Variants in POLR3E observed in about 807,000 individuals in gnomAD.
POLR3E encodes the protein RNA polymerase III subunit E.
A neutral mutation model predicts 96.6 loss-of-function variants in POLR3E; 41 were observed. That is an observed-to-expected ratio of 0.42 (90% CI 0.33 to 0.55). The LOEUF (loss-of-function observed/expected upper bound fraction) is 0.55, where lower values mean the gene tolerates loss of function less well. Among genes scored for constraint, POLR3E ranks in the 20% least tolerant of loss-of-function variants. The probability of loss-of-function intolerance (pLI) is 0.06; values close to 1 mark genes in which losing one functional copy is unlikely to be tolerated. For missense variants in POLR3E, 849 were observed against 952.1 expected (o/e 0.89, Z 1.43); for synonymous variants, 396 against 383.6 (o/e 1.03, Z -0.38).
chr16:22,300,014 T>A (rs1344952085), intron 1 of POLR3E, among the ~76,000 whole-genome samples: 3 of 152,326 alleles, frequency 2.0e-5, no homozygotes, highest in East Asian at 3.9e-4. Context: ...CATGCCAGCC[T>A]GATTTACTTC....
Position 22,331,055 on chromosome 16 carries a change from AGTG to A in POLR3E, c.1945-1004_1945-1002del, listed in dbSNP as rs2048730007. Among the ~76,000 whole-genome samples the A allele has an allele frequency of 2.6e-5, 3 of 114,272 alleles. No individual in the cohort carries two copies. In the South Asian group the frequency reaches 9.1e-4, roughly 35 times the overall value. The allele number at this position is 114,272 out of a possible 152,430, so 75.0% of individuals were successfully genotyped here. On this transcript the variant is annotated intron_variant, in intron 19 of 20. Transcript: ENST00000299853. ...AGTCTCCCTCTGTCAGCCAGGCTGG[AGTG>A]CAATGGCACGATCTCGGCTCACTGC...
At chr16:22,333,566 A>G in intron 20 of POLR3E, 78 bp from the exon 21 acceptor site, 2 of 958,694 alleles carry the variant, frequency 2.1e-6, no homozygotes, top group Admixed American at 3.4e-5. Flanking sequence ...TCATAAATCG[A>G]GTGTTGACAT....
At chr16:22,325,342 G>T in intron 17 of POLR3E, 76 bp downstream of exon 17, 1 of 1,181,972 alleles carries the variant, frequency 8.5e-7, no homozygotes, top group Middle Eastern at 1.9e-4. Context: ...GCTAGAGCTT[G>T]TCAGGCCCGG....
intron 19 of POLR3E, among the ~76,000 whole-genome samples, chr16:22,330,649 ATC>A (rs1237500556): frequency 6.6e-6 from 1 of 152,154 alleles, no homozygotes; most frequent in African/African-American, 2.4e-5. Flanking sequence ...GAATTCTGGA[ATC>A]TCTGCTTCTT....
intron 19 of POLR3E, among the ~76,000 whole-genome samples, chr16:22,330,910 A>G (rs1465909195): frequency 6.7e-6 from 1 of 150,256 alleles, no homozygotes; most frequent in Non-Finnish European, 1.5e-5. Flanking sequence ...GAGGTTATCA[A>G]AGTTTCTATT....
chr16:22,297,976 G>T (rs997564770), intron 1 of POLR3E, among the ~76,000 whole-genome samples: 1 of 152,260 alleles, frequency 6.6e-6, no homozygotes. Flanking sequence ...GCCCCGATGG[G>T]CAGGGAGGGC....
chr16:22,308,809 A>C, intron 4 of POLR3E, 116 bp from the exon 5 acceptor site: 3 of 646,646 alleles, frequency 4.6e-6, no homozygotes, highest in Non-Finnish European at 8.2e-6. Context: ...GACATGTGTC[A>C]GTCTCGCTTC....
chr16:22,302,878 A>G (rs2048054928), intron 1 of POLR3E, 53 bp from the exon 2 acceptor site: 1 of 1,237,186 alleles, frequency 8.1e-7, no homozygotes, highest in Non-Finnish European at 1.2e-6. Context: ...AATAGGCACA[A>G]GGAAATGTTG....
At chr16:22,302,800 T>C in intron 1 of POLR3E, 131 bp from the exon 2 acceptor site, 1 of 719,434 alleles carries the variant, frequency 1.4e-6, no homozygotes, top group Non-Finnish European at 2.6e-6. Flanking sequence ...TTGACTTCAA[T>C]GTAGATGTAG....
At chr16:22,315,561 G>A (rs2048337493) in intron 9 of POLR3E, among the ~76,000 whole-genome samples, 1 of 152,188 alleles carries the variant, frequency 6.6e-6, no homozygotes, top group African/African-American at 2.4e-5. Context: ...CTAGAGGGTC[G>A]GTCATGTGTT....
At chr16:22,300,651 CTCTG>C (rs1188248788) in intron 1 of POLR3E, among the ~76,000 whole-genome samples, 8 of 152,218 alleles carry the variant, frequency 5.3e-5, no homozygotes, top group Non-Finnish European at 1.0e-4. Context: ...CTACACTGCC[CTCTG>C]TCTGCACAGC....
chr16:22,317,389 C>G (rs1039585506), intron 12 of POLR3E, among the ~76,000 whole-genome samples, 183 bp downstream of exon 12: 5 of 152,242 alleles, frequency 3.3e-5, no homozygotes, highest in African/African-American at 1.2e-4. Context: ...GGCCAGCTCC[C>G]GCAGGCAGCC....
rs749807864 is a variant in POLR3E at position 22,326,064 on chromosome 16, A to G, written c.1652A>G (p.Gln551Arg). ...GACAGCTTCAACGGGCACCCGCCCC[A>G]GGGCTGCGCCAGCACCCCTGTGGCT... ...GTDSFNGHPP[Q>R]GCASTPVARE... The change falls in exon 18 of 21, where the codon CAG becomes CGG. Residue 551 changes from glutamine to arginine, a missense_variant. Coordinates refer to ENST00000299853, the MANE Select transcript of POLR3E (RefSeq NM_018119.4). 16 of 1,610,928 alleles carry G rather than the reference A, an allele frequency of 9.9e-6. No individual in the cohort carries two copies. In the South Asian group the frequency reaches 1.5e-4, roughly 16 times the overall value.
chr16:22,328,816 CCATCAGAA>C, intron 19 of POLR3E: 1 of 504,216 alleles, frequency 2.0e-6, no homozygotes, highest in Non-Finnish European at 3.6e-6. Context: ...TGAGCCAGCT[CCATCAGAA>C]TCATCTTTTA....
At chr16:22,332,950 T>C (rs2048771276) in intron 20 of POLR3E, among the ~76,000 whole-genome samples, 1 of 149,732 alleles carries the variant, frequency 6.7e-6, no homozygotes. Context: ...TGTCAGTATC[T>C]GTATTTCGTA....
rs778725189 is a variant in POLR3E, at chr16:22,315,215, G to A, written c.642+7G>A. 15 of 1,575,026 alleles carry A rather than the reference G, an allele frequency of 9.5e-6. No homozygotes were observed. The highest frequency in any genetic ancestry group is 1.7e-4 in the Middle Eastern group (1 of 6,010). On this transcript the variant is annotated splice_region_variant and intron_variant, in intron 9 of 20. Coordinates refer to ENST00000299853, the MANE Select transcript of POLR3E (RefSeq NM_018119.4). ...GCATTACTATGGCCTGAGGGTGAGC[G>A]GGGCTTCGTGGGGTCCTGGGGGAAA... is the stretch of plus-strand genomic sequence containing the variant.
intron 2 of POLR3E, among the ~76,000 whole-genome samples, chr16:22,303,457 C>T (rs1219563615): frequency 6.6e-6 from 1 of 152,084 alleles, no homozygotes; most frequent in Non-Finnish European, 1.5e-5. Context: ...GCTCAGCAGT[C>T]CCTCCTTCCC....
rs1163919279 is a variant in POLR3E at position 22,318,382 on chromosome 16, A to G, written c.866-444A>G. 6.6e-6 allele frequency among the ~76,000 whole-genome samples: 1 copy of G among 152,128 alleles called. No homozygotes were observed. Among genetic ancestry groups the G allele is most frequent in the East Asian group, 1.9e-4 (1 of 5,190 alleles). ...GTGCTGTGATTACAGGTGTGAGCCA[A>G]AGCGCCCAGCCAAATTTTGGACTTT... On this transcript the variant is annotated intron_variant, in intron 12 of 20. Transcript: ENST00000299853. This position sits in a 1 kb window ranked among gnomAD's most constrained non-coding sequence, Gnocchi z 5.0.
chr16:22,324,294 G>T, intron 14 of POLR3E, 60 bp from the exon 15 acceptor site: 1 of 1,424,512 alleles, frequency 7.0e-7, no homozygotes, highest in South Asian at 1.2e-5. Context: ...GTGAGTTCCC[G>T]GGACAGTCCT....
Sources: allele counts gnomAD v4.1 joint callset (sites outside exome capture counted in the v4.1 genomes callset), GRCh38; gene constraint gnomAD v4.1.1; non-coding constraint Gnocchi (gnomAD v3.1); transcripts MANE v1.5; gene names NCBI Gene and HGNC (gene_info 2026-07-23, HGNC 2026-07-21).